The following FRMD5 variants were observed in gnomAD, a reference collection of about 807,000 sequenced individuals.
FRMD5 encodes FERM domain containing 5.
In FRMD5, 20 loss-of-function variants were observed where a neutral mutation model predicts 69.0. That is an observed-to-expected ratio of 0.29 (90% CI 0.20 to 0.42). The LOEUF is 0.42. Ranked by LOEUF, FRMD5 falls within the 10% of genes least tolerant of loss-of-function variation. FRMD5 has a pLI of 1.00. For synonymous variants in FRMD5, 271 were observed against 260.1 expected (o/e 1.04, Z -0.40); for missense variants, 595 against 708.6 (o/e 0.84, Z 1.82).
At chr15:44,155,519 G>A (rs943146452) in intron 1 of FRMD5, among the ~76,000 whole-genome samples, 4 of 152,102 alleles carry the variant, frequency 2.6e-5, no homozygotes, top group Non-Finnish European at 5.9e-5. Context: ...CATACCATAT[G>A]ATGTAGAAAC....
intron 1 of FRMD5, among the ~76,000 whole-genome samples, chr15:44,084,690 C>CT (rs1267410694): frequency 2.0e-5 from 3 of 152,006 alleles, no homozygotes; most frequent in Admixed American, 2.0e-4. Context: ...AATCCTTTAG[C>CT]TTTTATTCCA....
In FRMD5 at chr15:43,974,998, C is replaced by T. The variant is rs573906462; in HGVS notation, c.103-50689G>A. 3.9e-5 allele frequency among the ~76,000 whole-genome samples: 6 copies of T among 152,336 alleles called. No homozygotes were observed. The South Asian group carries it at 1.2e-3, about 32-fold the overall frequency. ...AGAACCCCAGGCTACCTAAGCTCTGCCCAGTGATGCGGAATTGTCTCTCTC... is the reference window on the plus strand; with the variant it reads ...AGAACCCCAGGCTACCTAAGCTCTGTCCAGTGATGCGGAATTGTCTCTCTC... On this transcript the variant is annotated intron_variant, in intron 1 of 13. Coordinates refer to ENST00000417257, the MANE Select transcript of FRMD5 (RefSeq NM_032892.5).
chr15:44,080,229 G>C (rs28645532), intron 1 of FRMD5, among the ~76,000 whole-genome samples: 2 of 152,010 alleles, frequency 1.3e-5, no homozygotes, highest in African/African-American at 4.8e-5. Flanking sequence ...TTTAAATTAA[G>C]AGTTCATATA....
chr15:44,138,364 T>C (rs1311704972), intron 1 of FRMD5, among the ~76,000 whole-genome samples: 1 of 152,112 alleles, frequency 6.6e-6, no homozygotes, highest in Non-Finnish European at 1.5e-5. Flanking sequence ...AAATCACACC[T>C]AGACATATTA....
At chr15:43,902,570 C>T (rs2089072577) in intron 6 of FRMD5, among the ~76,000 whole-genome samples, 1 of 151,576 alleles carries the variant, frequency 6.6e-6, no homozygotes, top group Non-Finnish European at 1.5e-5. Flanking sequence ...GCAGGGCCCA[C>T]TACTTGGGAG....
chr15:43,956,754 C>G (rs1424413374), intron 1 of FRMD5, among the ~76,000 whole-genome samples: 1 of 152,158 alleles, frequency 6.6e-6, no homozygotes, highest in Non-Finnish European at 1.5e-5. Context: ...TGTGTCCATC[C>G]AGAAAGGCTG....
In FRMD5 at chr15:43,874,380, T is replaced by G; in HGVS notation, c.1218A>C (p.Arg406Ser). 2.5e-6 allele frequency: 4 copies of G among 1,614,190 alleles called. No individual in the cohort carries two copies. The highest frequency in any genetic ancestry group is 3.4e-6 in the Non-Finnish European group (4 of 1,180,042). The change falls in exon 14 of 14, where the codon AGA becomes AGC. Residue 406 changes from arginine (R) to serine (S), a missense_variant. Physicochemically the swap from Arg to Ser is moderately radical, Grantham distance 110. This residue lies in a region of FRMD5 where 245 missense variants were observed against 227.1 expected (regional missense o/e 1.08). Coordinates refer to ENST00000417257, the MANE Select transcript of FRMD5 (RefSeq NM_032892.5). ...SHGDTFLPHV[R>S]SSRTDSNERV... ...GCTCATTGCTATCTGTCCGGCTGCTTCTCACGTGAGGCAGGAAGGTGTCCC... is the reference window on the plus strand; with the variant it reads ...GCTCATTGCTATCTGTCCGGCTGCTGCTCACGTGAGGCAGGAAGGTGTCCC...
chr15:44,108,277 G>A (rs965951344), intron 1 of FRMD5, among the ~76,000 whole-genome samples: 3 of 152,098 alleles, frequency 2.0e-5, no homozygotes, highest in African/African-American at 7.2e-5. Context: ...AGGCTGAGGT[G>A]GAAGGATCAG....
chr15:44,151,915 TG>T (rs1291294049), intron 1 of FRMD5, among the ~76,000 whole-genome samples: 1 of 152,152 alleles, frequency 6.6e-6, no homozygotes, highest in East Asian at 1.9e-4. Context: ...AATTAGTAAA[TG>T]GGCAAAGGCC....
chr15:43,943,399 T>C (rs1341748884), intron 1 of FRMD5, among the ~76,000 whole-genome samples: 1 of 152,198 alleles, frequency 6.6e-6, no homozygotes, highest in East Asian at 1.9e-4. Flanking sequence ...TACTTTAATA[T>C]TAAGGATTAA....
intron 1 of FRMD5, among the ~76,000 whole-genome samples, chr15:44,021,611 C>T (rs531925269): frequency 2.6e-5 from 4 of 152,258 alleles, no homozygotes; most frequent in African/African-American, 9.6e-5. Context: ...TAAAGTACTA[C>T]TTTGCATCTA....
intron 1 of FRMD5, among the ~76,000 whole-genome samples, chr15:44,028,921 T>C (rs575251772): frequency 6.6e-6 from 1 of 152,174 alleles, no homozygotes; most frequent in African/African-American, 2.4e-5. Context: ...GGTCTCAGGA[T>C]AAAGGCTGTA....
chr15:43,947,843 T>C (rs1281610572), intron 1 of FRMD5, among the ~76,000 whole-genome samples: 1 of 152,188 alleles, frequency 6.6e-6, no homozygotes, highest in Non-Finnish European at 1.5e-5. Flanking sequence ...TTCAAACCCC[T>C]CCAGTACTTA....
intron 1 of FRMD5, among the ~76,000 whole-genome samples, chr15:43,952,000 CTGTGTGTGTGTGTGTGTG>C (rs367759637): frequency 2.0e-4 from 25 of 123,690 alleles, no homozygotes; most frequent in Non-Finnish European, 3.2e-4. Flanking sequence ...GTGTGTGTGT[CTGTGTGTGTGTGTGTGTG>C]TGTGTGTGTG....
At chr15:44,172,763 T>C (rs546394476) in intron 1 of FRMD5, among the ~76,000 whole-genome samples, 92 of 152,224 alleles carry the variant, frequency 6.0e-4, no homozygotes, top group African/African-American at 2.0e-3. Flanking sequence ...TTAATTTAAA[T>C]AAAAATAAGC....
chr15:43,910,119 CA>C, intron 4 of FRMD5, 140 bp from the exon 5 acceptor site: 1 of 530,316 alleles, frequency 1.9e-6, no homozygotes, highest in South Asian at 2.6e-5. Context: ...TAATGTAGAA[CA>C]AATACATTCT....
intron 1 of FRMD5, among the ~76,000 whole-genome samples, chr15:44,089,412 A>G (rs114953808): frequency 0.013 from 1,920 of 152,160 alleles, 52 homozygotes; most frequent in African/African-American, 0.044. Flanking sequence ...TCCTTTAAAA[A>G]GTTTTTCAGG....
At chr15:44,097,266 G>GA (rs997757569) in intron 1 of FRMD5, among the ~76,000 whole-genome samples, 2 of 152,136 alleles carry the variant, frequency 1.3e-5, no homozygotes, top group Non-Finnish European at 2.9e-5. Context: ...CCTAAGGGGA[G>GA]AAAAAAACAG....
intron 5 of FRMD5, 98 bp downstream of exon 5, chr15:43,909,784 T>A: frequency 1.4e-6 from 1 of 703,494 alleles, no homozygotes. Context: ...CTGGCCTAGA[T>A]AATGTTTAGA....
Sources: allele counts gnomAD v4.1 joint callset (sites outside exome capture counted in the v4.1 genomes callset), GRCh38; gene constraint gnomAD v4.1.1; regional missense constraint gnomAD v4.1.1; transcripts MANE v1.5; gene names NCBI Gene and HGNC (gene_info 2026-07-23, HGNC 2026-07-21).